The following CDK13 variants were observed in gnomAD, a reference collection of about 807,000 sequenced individuals.
CDK13 encodes cyclin-dependent kinase 13.
A neutral mutation model predicts 137.6 loss-of-function variants in CDK13; 40 were observed. That is an observed-to-expected ratio of 0.29 (90% CI 0.23 to 0.38). CDK13 has a LOEUF of 0.38. Ranked by LOEUF, CDK13 falls within the 10% of genes least tolerant of loss-of-function variation. CDK13 has a pLI of 1.00. For missense variants in CDK13, 1,704 were observed against 1,951.8 expected (o/e 0.87, Z 2.39); for synonymous variants, 869 against 760.1 (o/e 1.14, Z -2.36).
At chr7:39,991,591 A>T (rs776591913) in intron 2 of CDK13, among the ~76,000 whole-genome samples, 4 of 151,610 alleles carry the variant, frequency 2.6e-5, no homozygotes, top group African/African-American at 9.7e-5. Flanking sequence ...TATATGTCCA[A>T]GTAAATTCTC....
At chr7:40,065,076 G>A (rs1786252004) in intron 9 of CDK13, among the ~76,000 whole-genome samples, 1 of 140,076 alleles carries the variant, frequency 7.1e-6, no homozygotes, top group East Asian at 2.1e-4. Flanking sequence ...CCCAAAATGT[G>A]TCATACCTTT....
chr7:39,969,582 C>T (rs1249574052), intron 1 of CDK13, among the ~76,000 whole-genome samples: 1 of 152,140 alleles, frequency 6.6e-6, no homozygotes, highest in Non-Finnish European at 1.5e-5. Flanking sequence ...TTCCTACAGT[C>T]CCATGGTGTT....
intron 5 of CDK13, among the ~76,000 whole-genome samples, chr7:40,029,463 C>A (rs564483294): frequency 6.8e-6 from 1 of 147,324 alleles, no homozygotes; most frequent in Non-Finnish European, 1.5e-5. Context: ...GGCTCACCCC[C>A]GTAATCCCAG....
intron 1 of CDK13, among the ~76,000 whole-genome samples, chr7:39,981,963 T>A (rs1207558248): frequency 2.6e-5 from 4 of 151,518 alleles, no homozygotes; most frequent in Admixed American, 2.0e-4. Context: ...GGCTAATTTT[T>A]TTTTTTTTCA....
chr7:39,988,205 A>C lies in CDK13; in HGVS notation c.1818A>C (p.Thr606=). The stretch of plus-strand genomic sequence containing the variant: ...AACATGTAGCTTTAGTCACCTCTAC[A>C]TTACCACCGTTACCTTTGCCTCCCA... The part of the protein sequence containing the change: ...KEQHVALVTS[T]LPPLPLPPML... The change falls in exon 2 of 14, where the codon ACA becomes ACC. Residue 606 remains threonine, a synonymous_variant. Coordinates refer to ENST00000181839, the MANE Select transcript of CDK13 (RefSeq NM_003718.5). 1.2e-6 allele frequency: 2 copies of C among 1,613,608 alleles called. No individual in the cohort carries two copies. The highest frequency in any genetic ancestry group is 1.7e-6 in the Non-Finnish European group (2 of 1,179,898).
At chr7:40,085,948 C>A (rs1227492173) in intron 11 of CDK13, among the ~76,000 whole-genome samples, 1 of 152,090 alleles carries the variant, frequency 6.6e-6, no homozygotes, top group Admixed American at 6.6e-5. Context: ...AATCATATTA[C>A]CCCTACCCCC....
At chr7:39,971,739 C>T (rs1448642628) in intron 1 of CDK13, among the ~76,000 whole-genome samples, 3 of 151,966 alleles carry the variant, frequency 2.0e-5, no homozygotes, top group South Asian at 2.1e-4. Context: ...AAAAATTAGC[C>T]GGACGTGGTG....
rs1294309519 is a variant in CDK13, at chr7:39,950,677, CG to C, written c.41del (p.Gly14AlafsTer2). 4.3e-6 allele frequency: 6 copies of C among 1,396,910 alleles called. No individual in the cohort carries two copies. The highest frequency in any genetic ancestry group is 1.5e-5 in the South Asian group (1 of 64,694). 86.5% of individuals were successfully genotyped at this position (1,396,910 alleles called of 1,614,324 possible). On this transcript the variant is annotated frameshift_variant, in exon 1 of 14. Transcript: ENST00000181839. LOFTEE classifies it high-confidence loss of function. ...GCTCGGACACGGCGCTGGGGGGAGG[CG>C]GGGGCCTGAGCTGGGCGGAGAAGAA... ...SSSDTALGGG[G>X]GLSWAEKKLE...
At chr7:39,979,093 CAT>C (rs1238756345) in intron 1 of CDK13, among the ~76,000 whole-genome samples, 2 of 151,766 alleles carry the variant, frequency 1.3e-5, no homozygotes, top group Non-Finnish European at 2.9e-5. Flanking sequence ...GAATTTGGGA[CAT>C]GTAATAATCG....
intron 12 of CDK13, among the ~76,000 whole-genome samples, chr7:40,089,854 T>C (rs1786882747): frequency 1.3e-5 from 2 of 152,068 alleles, no homozygotes; most frequent in South Asian, 4.1e-4. Flanking sequence ...GATGTGTGGA[T>C]CAGACTGAAC....
At chr7:40,041,837 G>C (rs1452787720) in intron 5 of CDK13, among the ~76,000 whole-genome samples, 1 of 152,078 alleles carries the variant, frequency 6.6e-6, no homozygotes, top group Non-Finnish European at 1.5e-5. Context: ...TTGACATATT[G>C]TTTTGTTTTT....
intron 9 of CDK13, among the ~76,000 whole-genome samples, chr7:40,075,247 A>C (rs1256319879): frequency 6.6e-6 from 1 of 152,180 alleles, no homozygotes; most frequent in Non-Finnish European, 1.5e-5. Flanking sequence ...GATGCATCTC[A>C]GTAGTAAATG....
intron 4 of CDK13, among the ~76,000 whole-genome samples, chr7:40,001,197 A>G (rs1784677767): frequency 6.6e-6 from 1 of 150,396 alleles, no homozygotes; most frequent in African/African-American, 2.4e-5. Context: ...TGACAGTGTG[A>G]TATACCCAGT....
At chr7:39,954,814 T>C (rs2116093504) in intron 1 of CDK13, among the ~76,000 whole-genome samples, 1 of 152,308 alleles carries the variant, frequency 6.6e-6, no homozygotes, top group East Asian at 1.9e-4. Flanking sequence ...AGATAGGGTT[T>C]CACCATGTTG....
chr7:40,017,937 T>TA (rs552283987), intron 5 of CDK13, among the ~76,000 whole-genome samples: 94 of 150,576 alleles, frequency 6.2e-4, no homozygotes, highest in Non-Finnish European at 1.1e-3. Context: ...TTTTTTTTTT[T>TA]AAATTCCCAC....
At position 40,055,156 on chromosome 7, in the gene CDK13, CTGTGTGTGTG is replaced by C. The variant is rs56001601; in HGVS notation, c.2600+7311_2600+7320del. 3.7e-3 allele frequency among the ~76,000 whole-genome samples: 520 copies of C among 140,432 alleles called. 3 individuals carry two copies. Among genetic ancestry groups the C allele is most frequent in the Middle Eastern group, 0.021 (6 of 282 alleles). 92.1% of individuals were successfully genotyped at this position (140,432 alleles called of 152,430 possible). The stretch of plus-strand genomic sequence containing the variant: ...GTTTTCCAATTTAATGGCAGAAGGA[CTGTGTGTGTG>C]TGTGTGTGTGTGTGTGTGTGTGTGT... On this transcript the variant is annotated intron_variant, in intron 7 of 13. Coordinates refer to ENST00000181839, the MANE Select transcript of CDK13 (RefSeq NM_003718.5).
chr7:39,952,188 C>G (rs976594340), intron 1 of CDK13: 3 of 228,274 alleles, frequency 1.3e-5, no homozygotes, highest in Admixed American at 1.1e-4. Context: ...TTGGGTAAAC[C>G]TAGAGGTGGT....
chr7:39,976,321 T>TCA (rs1248415358), intron 1 of CDK13, among the ~76,000 whole-genome samples: 104 of 35,990 alleles, frequency 2.9e-3, no homozygotes, highest in Middle Eastern at 0.017. Context: ...TCTCTCTCTC[T>TCA]CTCACACACA....
At chr7:40,011,265 C>T (rs1289965018) in intron 5 of CDK13, among the ~76,000 whole-genome samples, 2 of 152,166 alleles carry the variant, frequency 1.3e-5, no homozygotes, top group Non-Finnish European at 2.9e-5. Flanking sequence ...TGCTCATGCC[C>T]ATAATCCCAA....
Sources: allele counts gnomAD v4.1 joint callset (sites outside exome capture counted in the v4.1 genomes callset), GRCh38; gene constraint gnomAD v4.1.1; transcripts MANE v1.5; gene names NCBI Gene and HGNC (gene_info 2026-07-23, HGNC 2026-07-21).